CSMD1: variants seen among roughly 807,000 people sequenced by gnomAD.
CSMD1 encodes the protein CUB and Sushi multiple domains 1.
A neutral mutation model predicts 417.5 loss-of-function variants in CSMD1; 213 were observed. The ratio of observed to expected loss-of-function variants is 0.51; its 90% confidence interval spans 0.46 to 0.57. CSMD1 has a LOEUF of 0.57. CSMD1 is among the 20% of genes least tolerant of loss of function. CSMD1 has a pLI of 0.00. For synonymous variants in CSMD1, 2,862 were observed against 1,736.8 expected (o/e 1.65, Z -16.11); for missense variants, 6,923 against 4,529.7 (o/e 1.53, Z -15.17).
chr8:3,757,723 C>T (rs562385489), intron 5 of CSMD1, among the ~76,000 whole-genome samples: 1 of 152,100 alleles, frequency 6.6e-6, no homozygotes, highest in East Asian at 2.0e-4. Flanking sequence ...GTGGCAGGCA[C>T]AGGTAATCCT....
intron 37 of CSMD1, among the ~76,000 whole-genome samples, chr8:3,175,624 G>C (rs1383873903): frequency 1.6e-5 from 2 of 125,328 alleles, no homozygotes; most frequent in East Asian, 2.8e-4. Context: ...GGTTGCCTTT[G>C]CCATGGGTTT....
intron 49 of CSMD1, among the ~76,000 whole-genome samples, chr8:3,080,797 G>T (rs1183624334): frequency 1.3e-5 from 2 of 152,194 alleles, no homozygotes. Context: ...TTACATGGCA[G>T]AAAGTAGGCT....
intron 3 of CSMD1, among the ~76,000 whole-genome samples, chr8:4,214,190 T>G (rs758376913): frequency 1.8e-4 from 27 of 152,236 alleles, no homozygotes; most frequent in Admixed American, 3.9e-4. Flanking sequence ...TTACATAGGA[T>G]ACGGCTCAAT....
At chr8:3,023,066 T>A (rs575693385) in intron 51 of CSMD1, among the ~76,000 whole-genome samples, 1 of 152,344 alleles carries the variant, frequency 6.6e-6, no homozygotes, top group East Asian at 1.9e-4. Context: ...ATGTCCAATG[T>A]CCACTCCAGC....
At chr8:3,723,896 A>T (rs944372170) in intron 6 of CSMD1, among the ~76,000 whole-genome samples, 1 of 152,252 alleles carries the variant, frequency 6.6e-6, no homozygotes, top group African/African-American at 2.4e-5. Context: ...AAGTGCAAAA[A>T]GTTGACTTAT....
rs934460720 is a variant in CSMD1, at chr8:3,914,681, G to T, written c.818+83222C>A. On this transcript the variant is annotated intron_variant, in intron 5 of 69. Coordinates refer to ENST00000635120, the MANE Select transcript of CSMD1 (RefSeq NM_033225.6). ...ACGTTAGTATGCATTAAGTCAGCTT[G>T]GTTGTCAAGTTGAAAGATGTCTTTA... 2.6e-5 allele frequency among the ~76,000 whole-genome samples: 4 copies of T among 152,154 alleles called. No homozygotes were observed. In the South Asian group the frequency reaches 8.3e-4, roughly 32 times the overall value.
intron 3 of CSMD1, among the ~76,000 whole-genome samples, chr8:4,234,628 G>A (rs983729945): frequency 6.6e-6 from 1 of 152,064 alleles, no homozygotes; most frequent in African/African-American, 2.4e-5. Context: ...TTTTATTCTA[G>A]GACATGGAAG....
chr8:3,974,520 C>T (rs1303863704), intron 5 of CSMD1, among the ~76,000 whole-genome samples: 2 of 151,912 alleles, frequency 1.3e-5, no homozygotes, highest in African/African-American at 4.8e-5. Flanking sequence ...TAAAATCTTT[C>T]ATAGTAGTTG....
intron 2 of CSMD1, among the ~76,000 whole-genome samples, chr8:4,602,427 G>A (rs554304727): frequency 6.6e-5 from 10 of 152,120 alleles, no homozygotes; most frequent in Non-Finnish European, 1.2e-4. Context: ...GGAACATGTT[G>A]TTGAAATATT....
At chr8:4,815,336 A>G (rs2117355973) in intron 1 of CSMD1, among the ~76,000 whole-genome samples, 1 of 152,260 alleles carries the variant, frequency 6.6e-6, no homozygotes, top group Non-Finnish European at 1.5e-5. Flanking sequence ...GTATGACATC[A>G]CAGTCCCACT....
At chr8:4,289,487 C>A (rs1797242384) in intron 3 of CSMD1, among the ~76,000 whole-genome samples, 1 of 152,160 alleles carries the variant, frequency 6.6e-6, no homozygotes, top group African/African-American at 2.4e-5. Context: ...ATTTGGACCA[C>A]ATAAACTGAG....
intron 5 of CSMD1, among the ~76,000 whole-genome samples, chr8:3,866,607 T>C (rs1585112633): frequency 6.6e-6 from 1 of 151,934 alleles, no homozygotes; most frequent in Non-Finnish European, 1.5e-5. Flanking sequence ...GTCTCTTCTT[T>C]CCATCCCTCA....
intron 7 of CSMD1, among the ~76,000 whole-genome samples, chr8:3,695,685 C>T (rs1463725457): frequency 6.6e-6 from 1 of 152,112 alleles, no homozygotes; most frequent in Non-Finnish European, 1.5e-5. Flanking sequence ...AAGATTCTAG[C>T]AAATTGTATT....
chr8:4,057,496 T>C (rs1798756917), intron 3 of CSMD1, among the ~76,000 whole-genome samples: 2 of 152,212 alleles, frequency 1.3e-5, no homozygotes, highest in Admixed American at 6.5e-5. Context: ...CTGTTCATTC[T>C]GACGGTAGTT....
At chr8:3,867,650 TA>T (rs1805195280) in intron 5 of CSMD1, among the ~76,000 whole-genome samples, 1 of 152,178 alleles carries the variant, frequency 6.6e-6, no homozygotes, top group Non-Finnish European at 1.5e-5. Flanking sequence ...TATCTATGTA[TA>T]GTATCTTGGT....
At chr8:3,614,335 A>T (rs1490866887) in intron 8 of CSMD1, among the ~76,000 whole-genome samples, 1 of 151,786 alleles carries the variant, frequency 6.6e-6, no homozygotes. Flanking sequence ...CACAACCTAG[A>T]TTCTCCCTAC....
chr8:4,765,481 G>A (rs1812403938), intron 1 of CSMD1, among the ~76,000 whole-genome samples: 1 of 152,210 alleles, frequency 6.6e-6, no homozygotes, highest in Non-Finnish European at 1.5e-5. Flanking sequence ...AAAAGTGTTT[G>A]CAGATGCCTA....
At chr8:3,991,293 T>C (rs1814727450) in intron 5 of CSMD1, among the ~76,000 whole-genome samples, 1 of 152,220 alleles carries the variant, frequency 6.6e-6, no homozygotes, top group African/African-American at 2.4e-5. Context: ...ATTATTTGCC[T>C]ATTGAGTTTC....
chr8:3,025,588 C>T (rs998570959), intron 51 of CSMD1, among the ~76,000 whole-genome samples: 2 of 152,244 alleles, frequency 1.3e-5, no homozygotes, highest in African/African-American at 4.8e-5. Context: ...CAACAAGCAT[C>T]TCCCTTTCCA....
Sources: allele counts gnomAD v4.1 joint callset (sites outside exome capture counted in the v4.1 genomes callset), GRCh38; gene constraint gnomAD v4.1.1; transcripts MANE v1.5; gene names NCBI Gene and HGNC (gene_info 2026-07-23, HGNC 2026-07-21).